Variants in ZNF3 observed in about 807,000 individuals in gnomAD.
ZNF3 encodes the protein C2-H2 type zinc finger protein.
In ZNF3, 16 loss-of-function variants were observed where a neutral mutation model predicts 36.9. The observed-to-expected ratio is 0.43, with a 90% CI of 0.29 to 0.66. ZNF3 has a LOEUF of 0.66. Ranked by LOEUF, ZNF3 falls within the 30% of genes least tolerant of loss-of-function variation. The probability of loss-of-function intolerance (pLI) is 0.13; values close to 1 mark genes in which losing one functional copy is unlikely to be tolerated. For synonymous variants in ZNF3, 201 were observed against 201.9 expected, an observed-to-expected ratio of 1.00 and a Z score of 0.04; for missense variants, 462 against 543.1, an observed-to-expected ratio of 0.85 and a Z score of 1.48.
rs535487074 is a variant in ZNF3, at chr7:100,070,870, T to C, written c.*273A>G. ...CCCCACCTTGGAAAGGTTCCTCTGC[T>C]GTGAGAAAAACAGTTTAGTGCAAAC... On this transcript the variant is annotated 3_prime_UTR_variant, in exon 6 of 6. Transcript: ENST00000299667. 372 of 1,213,664 alleles carry C rather than the reference T, an allele frequency of 3.1e-4. 1 individual carries two copies. Among genetic ancestry groups the C allele is most frequent in the Admixed American group, 2.3e-3 (57 of 24,342 alleles). The allele number at this position is 1,213,664 out of a possible 1,614,324, so 75.2% of individuals were successfully genotyped here. A position where few individuals can be genotyped will look rare whatever the true frequency, so the allele number is the denominator to read the frequency against.
At chr7:100,065,169 T>C, downstream of ZNF3, 1 of 473,176 alleles carries the variant, frequency 2.1e-6, no homozygotes, top group East Asian at 4.6e-5. Context: ...GGCTTACGCC[T>C]GTAATCCCAG....
chr7:100,064,268 C>G, exon 6 of ZNF3: 1 of 1,614,040 alleles, frequency 6.2e-7, no homozygotes, highest in Non-Finnish European at 8.5e-7. Flanking sequence ...ACAGAAGAGG[C>G]GCCATATCAG....
intron 4 of ZNF3, 129 bp from the exon 5 acceptor site, chr7:100,075,390 G>T (rs1468203775): frequency 6.5e-7 from 1 of 1,543,854 alleles, no homozygotes; most frequent in Non-Finnish European, 8.9e-7. Flanking sequence ...GGTGGAGGAA[G>T]AGAGACAGGA....
Position 100,071,720 on chromosome 7 carries a change from G to C in ZNF3, c.764C>G (p.Pro255Arg), listed in dbSNP as rs1793183999. 1 of 1,613,964 alleles carries C rather than the reference G, an allele frequency of 6.2e-7. No homozygotes were observed. Reference sequence around the variant, plus strand: ...TTTCCCACAATCACTACATTCATAAGGTTTTTCCCCAGTGTGGATTCTCTG... The same window carrying C: ...TTTCCCACAATCACTACATTCATAACGTTTTTCCCCAGTGTGGATTCTCTG... The part of the protein sequence containing the change: ...QHQRIHTGEK[P>R]YECSDCGKTF... Residue 255 changes from proline (P) to arginine (R), a missense_variant, in exon 6 of 6, where the codon CCT becomes CGT. Pro to Arg is a moderately radical substitution (Grantham distance 103, BLOSUM62 -2). Transcript: ENST00000299667.
chr7:100,072,317 T>C, intron 5 of ZNF3, 105 bp from the exon 6 acceptor site: 3 of 1,085,422 alleles, frequency 2.8e-6, no homozygotes, highest in South Asian at 1.6e-5. Flanking sequence ...CAAAAGCACA[T>C]GCCTACAAAG....
Position 100,079,524 on chromosome 7 carries a change from G to A in ZNF3, c.-77+12C>T, listed in dbSNP as rs1468321008. 5.3e-5 allele frequency: 8 copies of A among 152,146 alleles called. No individual in the cohort carries two copies. Among genetic ancestry groups the A allele is most frequent in the African/African-American group, 4.8e-5 (2 of 41,428 alleles). 9.4% of individuals were successfully genotyped at this position (152,146 alleles called of 1,614,324 possible). ...TGGCCTGGCAGTAAGAACAAGACAC[G>A]GAAAGCTTTACCTGCCTGATTCTTT... On this transcript the variant is annotated intron_variant, in intron 2 of 5. Transcript: ENST00000299667.
At chr7:100,068,489 T>C (rs1455451618), downstream of ZNF3, among the ~76,000 whole-genome samples, 1 of 151,720 alleles carries the variant, frequency 6.6e-6, no homozygotes, top group Non-Finnish European at 1.5e-5. Flanking sequence ...CTGGCCAACA[T>C]GGTGAAATCC....
At chr7:100,068,094 TTTCTTC>T (rs1209074491), downstream of ZNF3, among the ~76,000 whole-genome samples, 1 of 152,028 alleles carries the variant, frequency 6.6e-6, no homozygotes, top group African/African-American at 2.4e-5. Flanking sequence ...GGCAGGTTTT[TTTCTTC>T]TTCTTCGAGA....
Position 100,070,358 on chromosome 7 carries a change from A to T in ZNF3, c.*785T>A. ...GCATTTAGAGAAAATCATTTTCATCATTGGAGTGGGAAGAGGACAAGAGAG... is the reference window on the plus strand; with the variant it reads ...GCATTTAGAGAAAATCATTTTCATCTTTGGAGTGGGAAGAGGACAAGAGAG... On this transcript the variant is annotated 3_prime_UTR_variant, in exon 6 of 6. Coordinates refer to ENST00000299667, the MANE Select transcript of ZNF3 (RefSeq NM_032924.5). 1 of 985,436 alleles carries T rather than the reference A, an allele frequency of 1.0e-6. No homozygotes were observed. Among genetic ancestry groups the T allele is most frequent in the African/African-American group, 1.7e-5 (1 of 57,326 alleles). The allele number at this position is 985,436 out of a possible 1,614,324, so 61.0% of individuals were successfully genotyped here.
In ZNF3 at chr7:100,075,681, C is replaced by T. The variant is rs1178806001; in HGVS notation, c.56-51G>A. On this transcript the variant is annotated intron_variant, in intron 3 of 5. Coordinates refer to ENST00000299667, the MANE Select transcript of ZNF3 (RefSeq NM_032924.5). ...AATGAGTCCATCTGCTCTGTGACCT[C>T]CCAACCTGCTGACTTCCCAACCCAC... 2.5e-6 allele frequency: 4 copies of T among 1,577,802 alleles called. No homozygotes were observed. In the African/African-American group the frequency reaches 4.0e-5, roughly 16 times the overall value.
At chr7:100,081,851 C>G (rs1349176722), upstream of ZNF3, 3 of 152,550 alleles carry the variant, frequency 2.0e-5, no homozygotes, top group Admixed American at 1.3e-4. This position sits in a 1 kb window ranked among gnomAD's most constrained non-coding sequence, Gnocchi z 4.3. Context: ...TTTGCTGACT[C>G]AGGGCGGCTG....
chr7:100,071,518 G>A lies in ZNF3; in HGVS notation c.966C>T (p.Ser322=). The A allele has an allele frequency of 6.2e-7, 1 of 1,613,682 alleles. No homozygotes were observed. Among genetic ancestry groups the A allele is most frequent in the Admixed American group, 1.7e-5 (1 of 59,976 alleles). ...GATGGTGAATAAGGGTTGAGCTCCT[G>A]CTGAAGGCCTTCCCACATTCATTGC... is the stretch of plus-strand genomic sequence containing the variant. ...YACNECGKAF[S]RSSTLIHHQR... is the part of the protein sequence containing the mutation. The change falls in exon 6 of 6, where the codon AGC becomes AGT. Residue 322 remains serine, a synonymous_variant. Transcript: ENST00000299667.
rs1484517059 is a variant in ZNF3, at chr7:100,071,017, C to G, written c.*126G>C. On this transcript the variant is annotated 3_prime_UTR_variant, in exon 6 of 6. Transcript: ENST00000299667. The stretch of plus-strand genomic sequence containing the variant: ...GGGAAAATTCAACGATTTGCCCCAT[C>G]TGCCCCATTCTCTAAAATGAAAAGT... 6.7e-7 allele frequency: 1 copy of G among 1,485,860 alleles called. No homozygotes were observed. The highest frequency in any genetic ancestry group is 1.4e-5 in the African/African-American group (1 of 71,414). 92.0% of individuals were successfully genotyped at this position (1,485,860 alleles called of 1,614,324 possible).
intron 1 of ZNF3, among the ~76,000 whole-genome samples, chr7:100,080,451 A>G (rs1441106736): frequency 6.6e-6 from 1 of 151,816 alleles, no homozygotes; most frequent in Non-Finnish European, 1.5e-5. Flanking sequence ...CCATGATGGC[A>G]CCACGGCACT....
chr7:100,071,689 G>A lies in ZNF3; in HGVS notation c.795C>T (p.Phe265=), dbSNP rs772829959. ...GCAGAATGAGGGCAGAGCTACAGCT[G>A]AAGGTTTTCCCACAATCACTACATT... ...PYECSDCGKT[F]SCSSALILHR... The change falls in exon 6 of 6, where the codon TTC becomes TTT. Residue 265 remains phenylalanine, a synonymous_variant. Coordinates refer to ENST00000299667, the MANE Select transcript of ZNF3 (RefSeq NM_032924.5). 6.2e-7 allele frequency: 1 copy of A among 1,613,794 alleles called. No individual in the cohort carries two copies. Among genetic ancestry groups the A allele is most frequent in the South Asian group, 1.1e-5 (1 of 91,054 alleles).
In ZNF3 at chr7:100,071,147, G is replaced by A. The variant is rs377155000; in HGVS notation, c.1337C>T (p.Thr446Met). The A allele has an allele frequency of 1.3e-5, 21 of 1,580,988 alleles. No individual in the cohort carries two copies. Among genetic ancestry groups the A allele is most frequent in the Middle Eastern group, 1.9e-4 (1 of 5,340 alleles). The change falls in exon 6 of 6, where the codon ACG becomes ATG. Residue 446 changes from threonine to methionine, a missense_variant. Transcript: ENST00000299667. ...GAAAATGGGTGTGTGGCTCTTTCACGTGGACTCTCTGATATTTAACTCGGT... is the reference window on the plus strand; with the variant it reads ...GAAAATGGGTGTGTGGCTCTTTCACATGGACTCTCTGATATTTAACTCGGT... ...VTTELNIRES[T>M]
chr7:100,073,724 A>C (rs552501585), intron 5 of ZNF3, among the ~76,000 whole-genome samples: 4 of 152,090 alleles, frequency 2.6e-5, no homozygotes, highest in Admixed American at 1.3e-4. Context: ...AGGTCCCTAG[A>C]AGTTAGAGAA....
At chr7:100,068,516 T>C (rs1019386126), downstream of ZNF3, among the ~76,000 whole-genome samples, 1 of 151,438 alleles carries the variant, frequency 6.6e-6, no homozygotes, top group African/African-American at 2.4e-5. Context: ...CTATTAAAAA[T>C]ACAAAAGTTA....
exon 6 of ZNF3, chr7:100,064,254 G>T: frequency 4.3e-6 from 7 of 1,614,090 alleles, no homozygotes; most frequent in Non-Finnish European, 5.1e-6. Context: ...ATCAGAGAAT[G>T]CACACAGAAG....
Sources: gnomAD v4.1 joint callset for allele counts (sites outside exome capture counted in the v4.1 genomes callset) on GRCh38, gnomAD v4.1.1 for gene constraint, Gnocchi (gnomAD v3.1) non-coding constraint, MANE v1.5 for transcripts, NCBI Gene and HGNC (gene_info 2026-07-23, HGNC 2026-07-21) for gene names.